Variants in CUX2 observed in about 807,000 individuals in gnomAD.
CUX2 encodes homeobox protein cut-like 2.
Under a neutral mutation model 144.8 loss-of-function variants are expected in CUX2, and 40 were observed. The observed-to-expected ratio is 0.28, with a 90% CI of 0.21 to 0.36. The LOEUF (loss-of-function observed/expected upper bound fraction) is 0.36, where lower values mean the gene tolerates loss of function less well. CUX2 is among the 10% of genes least tolerant of loss of function. The probability of loss-of-function intolerance (pLI) is 1.00; values close to 1 mark genes in which losing one functional copy is unlikely to be tolerated. For synonymous variants in CUX2, 827 were observed against 875.6 expected, an observed-to-expected ratio of 0.94 and a Z score of 0.98; for missense variants, 1,615 against 1,994.0, an observed-to-expected ratio of 0.81 and a Z score of 3.62.
chr12:111,153,443 C>T (rs1877184649), intron 1 of CUX2, among the ~76,000 whole-genome samples: 1 of 152,172 alleles, frequency 6.6e-6, no homozygotes. Context: ...GAGCCTGCTA[C>T]ACACCTGGAC....
chr12:111,181,308 A>G (rs1044085425), intron 1 of CUX2, among the ~76,000 whole-genome samples: 4 of 152,204 alleles, frequency 2.6e-5, no homozygotes, highest in Non-Finnish European at 4.4e-5. Flanking sequence ...TGTGGAGTCT[A>G]TTAGGCAAGC....
At position 111,330,712 on chromosome 12, in the gene CUX2, T is replaced by TACATATAC. The variant is rs1218061628; in HGVS notation, c.2927-3728_2927-3727insCATATACA. Among the ~76,000 whole-genome samples, 28 of 27,252 alleles carry TACATATAC rather than the reference T, an allele frequency of 1.0e-3. 1 individual carries two copies. The highest frequency in any genetic ancestry group is 2.6e-3 in the Admixed American group (9 of 3,466). 17.9% of individuals were successfully genotyped at this position (27,252 alleles called of 152,430 possible). A position where few individuals can be genotyped will look rare whatever the true frequency, so the allele number is the denominator to read the frequency against. ...ATATATATATATATATATATATATA[T>TACATATAC]ATATATATATATATATATATATATA... On this transcript the variant is annotated intron_variant, in intron 18 of 21. Transcript: ENST00000261726.
In CUX2 at chr12:111,051,264, G is replaced by A. The variant is rs75425835; in HGVS notation, c.63+17024G>A. ...CCCTCTGTTCTTGGTTTATAGTGTC[G>A]TTCAAGTCTTCTATTTTCTTGTTGA... On this transcript the variant is annotated intron_variant, in intron 1 of 21. Coordinates refer to ENST00000261726, the MANE Select transcript of CUX2 (RefSeq NM_015267.4). 2.5e-3 allele frequency among the ~76,000 whole-genome samples: 383 copies of A among 152,152 alleles called. 3 individuals carry two copies. The highest frequency in any genetic ancestry group is 8.6e-3 in the African/African-American group (357 of 41,492).
At chr12:111,346,241 C>T (rs1888800168) in intron 21 of CUX2, among the ~76,000 whole-genome samples, 1 of 151,398 alleles carries the variant, frequency 6.6e-6, no homozygotes, top group African/African-American at 2.4e-5. Flanking sequence ...TTTGGGAGGC[C>T]GAGGCTGGTG....
chr12:111,077,065 A>G lies in CUX2; in HGVS notation c.63+42825A>G, dbSNP rs531153271. ...AGAGCTATTCCTTGCACGAGGAGGT[A>G]AAATATTTGAACTGATTGTATTGCC... On this transcript the variant is annotated intron_variant, in intron 1 of 21. Transcript: ENST00000261726. This position sits in a 1 kb window ranked among gnomAD's most constrained non-coding sequence, Gnocchi z 4.1. 6.6e-6 allele frequency among the ~76,000 whole-genome samples: 1 copy of G among 152,296 alleles called. No individual in the cohort carries two copies. The highest frequency in any genetic ancestry group is 1.5e-5 in the Non-Finnish European group (1 of 68,012).
At chr12:111,240,583 A>G (rs892185594) in intron 3 of CUX2, among the ~76,000 whole-genome samples, 1 of 152,188 alleles carries the variant, frequency 6.6e-6, no homozygotes, top group African/African-American at 2.4e-5. Flanking sequence ...CGGTGCAAAA[A>G]TGGCCACCAC....
intron 1 of CUX2, among the ~76,000 whole-genome samples, chr12:111,043,601 T>C (rs1592844599): frequency 6.6e-6 from 1 of 151,322 alleles, no homozygotes; most frequent in South Asian, 2.1e-4. Flanking sequence ...TAATTTGAGG[T>C]CAGGCATTTG....
At chr12:111,163,968 T>C (rs1877956001) in intron 1 of CUX2, among the ~76,000 whole-genome samples, 1 of 152,198 alleles carries the variant, frequency 6.6e-6, no homozygotes, top group African/African-American at 2.4e-5. Context: ...GGTGACTTTG[T>C]CTCCATGAAC....
intron 2 of CUX2, among the ~76,000 whole-genome samples, chr12:111,216,658 G>A (rs548943023): frequency 6.6e-6 from 1 of 152,248 alleles, no homozygotes; most frequent in South Asian, 2.1e-4. Flanking sequence ...AGGCATTTGA[G>A]TTCACCACCT....
At chr12:111,175,307 A>G (rs1362635023) in intron 1 of CUX2, among the ~76,000 whole-genome samples, 3 of 149,680 alleles carry the variant, frequency 2.0e-5, no homozygotes, top group African/African-American at 7.4e-5. Context: ...TAAACATTTA[A>G]GGTTTTTTTT....
At chr12:111,102,876 TG>T (rs1228327831) in intron 1 of CUX2, among the ~76,000 whole-genome samples, 1 of 152,194 alleles carries the variant, frequency 6.6e-6, no homozygotes, top group Non-Finnish European at 1.5e-5. Flanking sequence ...AAAAAAAAGC[TG>T]TTATTGTTAT....
intron 1 of CUX2, among the ~76,000 whole-genome samples, chr12:111,129,604 A>G (rs902257131): frequency 3.9e-5 from 6 of 152,254 alleles, no homozygotes; most frequent in Non-Finnish European, 8.8e-5. Context: ...TCTGTCTTCT[A>G]CATAGGCCAG....
chr12:111,263,708 G>T lies in CUX2; in HGVS notation c.223-53G>T. On this transcript the variant is annotated intron_variant, in intron 3 of 21. Transcript: ENST00000261726. This position sits in a 1 kb window ranked among gnomAD's most constrained non-coding sequence, Gnocchi z 4.0. ...AAAAAAAAAATGATGAAATTTGCTTGCAGACACAGATGCCATGGTTACACG... is the reference window on the plus strand; with the variant it reads ...AAAAAAAAAATGATGAAATTTGCTTTCAGACACAGATGCCATGGTTACACG... The T allele has an allele frequency of 2.3e-6, 3 of 1,322,106 alleles. No homozygotes were observed. The highest frequency in any genetic ancestry group is 3.2e-6 in the Non-Finnish European group (3 of 928,470). The allele number at this position is 1,322,106 out of a possible 1,614,324, so 81.9% of individuals were successfully genotyped here.
chr12:111,296,576 G>GAGGCCTCCCAGAC, intron 8 of CUX2, 37 bp downstream of exon 8: 1 of 1,582,962 alleles, frequency 6.3e-7, no homozygotes, highest in Non-Finnish European at 8.6e-7. Flanking sequence ...TCCTCCCTTG[G>GAGGCCTCCCAGAC]AGGCCTCCCA....
In CUX2 at chr12:111,190,869, A is replaced by G. The variant is rs150441609; in HGVS notation, c.64-23331A>G. Among the ~76,000 whole-genome samples, 617 of 152,230 alleles carry G rather than the reference A, an allele frequency of 4.1e-3. 2 individuals are homozygous for G. Among genetic ancestry groups the G allele is most frequent in the Non-Finnish European group, 5.2e-3 (355 of 67,994 alleles). On this transcript the variant is annotated intron_variant, in intron 1 of 21. Coordinates refer to ENST00000261726, the MANE Select transcript of CUX2 (RefSeq NM_015267.4). This position sits in a 1 kb window ranked among gnomAD's most constrained non-coding sequence, Gnocchi z 4.0. Reference sequence around the variant, plus strand: ...TCCTGCCATGAAACTGACACCCTCCAAGGACCCTCCTCACACTCACCTCCT... The same window carrying G: ...TCCTGCCATGAAACTGACACCCTCCGAGGACCCTCCTCACACTCACCTCCT...
intron 16 of CUX2, among the ~76,000 whole-genome samples, chr12:111,314,639 TA>T (rs954472479): frequency 0.02 from 468 of 23,236 alleles, 1 homozygote; most frequent in African/African-American, 0.061. Context: ...AAACTCAGTC[TA>T]AAAAAAAAAA....
intron 1 of CUX2, among the ~76,000 whole-genome samples, chr12:111,102,004 G>A (rs981260124): frequency 1.3e-5 from 2 of 152,212 alleles, no homozygotes; most frequent in African/African-American, 2.4e-5. Context: ...TTTCTGGAAC[G>A]CCTGAACTCA....
intron 1 of CUX2, among the ~76,000 whole-genome samples, chr12:111,128,470 A>G (rs1009102322): frequency 1.2e-4 from 18 of 152,212 alleles, no homozygotes; most frequent in Admixed American, 1.1e-3. Flanking sequence ...GACCATGGGC[A>G]TTTGGGCCAC....
chr12:111,137,466 G>A (rs892565955), intron 1 of CUX2, among the ~76,000 whole-genome samples: 7 of 152,092 alleles, frequency 4.6e-5, no homozygotes, highest in African/African-American at 1.7e-4. Flanking sequence ...AGCATTACTA[G>A]AGGTTATTTC....
Sources: gnomAD v4.1 joint callset for allele counts (sites outside exome capture counted in the v4.1 genomes callset) on GRCh38, gnomAD v4.1.1 for gene constraint, Gnocchi (gnomAD v3.1) non-coding constraint, MANE v1.5 for transcripts, NCBI Gene and HGNC (gene_info 2026-07-23, HGNC 2026-07-21) for gene names.